Variants in PLCG2 observed in about 807,000 individuals in gnomAD.
PLCG2 encodes phospholipase C gamma 2, also known as 1-phosphatidylinositol 4,5-bisphosphate phosphodiesterase gamma-2.
PLCG2 carries 69 observed loss-of-function variants against 175.6 expected under a neutral mutation model. The ratio of observed to expected loss-of-function variants is 0.39; its 90% CI spans 0.32 to 0.48. The LOEUF is 0.48. Among genes scored for constraint, PLCG2 ranks in the 20% least tolerant of loss-of-function variants. The pLI, the probability that PLCG2 is intolerant of heterozygous loss-of-function variation, is 0.91. For missense variants in PLCG2, 1,798 were observed against 1,650.9 expected, an observed-to-expected ratio of 1.09 and a Z score of -1.54; for synonymous variants, 827 against 624.0, an observed-to-expected ratio of 1.33 and a Z score of -4.85.
At chr16:81,856,847 A>T (rs1426236294) in intron 3 of PLCG2, among the ~76,000 whole-genome samples, 1 of 152,170 alleles carries the variant, frequency 6.6e-6, no homozygotes, top group African/African-American at 2.4e-5. Flanking sequence ...TAGTGGAATC[A>T]CAAGGGTTCT....
At chr16:81,757,348 A>G (rs909824000) in intron 2 of PLCG2, among the ~76,000 whole-genome samples, 2 of 152,140 alleles carry the variant, frequency 1.3e-5, no homozygotes, top group Admixed American at 6.5e-5. Context: ...CCTCATAGAA[A>G]AAAAAGCTGT....
At chr16:81,926,317 C>A (rs1910272816) in intron 22 of PLCG2, among the ~76,000 whole-genome samples, 1 of 152,130 alleles carries the variant, frequency 6.6e-6, no homozygotes. Flanking sequence ...GTCAGAGGTG[C>A]ATTTTGGAGA....
chr16:81,931,369 A>G lies in PLCG2; in HGVS notation c.2582-128A>G, dbSNP rs1255016444. On this transcript the variant is annotated intron_variant, in intron 24 of 32. Transcript: ENST00000564138. Reference sequence around the variant, plus strand: ...ACCCCGATGGAAAGTAGACGTCCCCATCAGTGCTAACCGTGGTCATAGCAG... The same window carrying G: ...ACCCCGATGGAAAGTAGACGTCCCCGTCAGTGCTAACCGTGGTCATAGCAG... 5.1e-6 allele frequency: 4 copies of G among 781,364 alleles called. No homozygotes were observed. The South Asian group carries it at 5.5e-5, about 11-fold the overall frequency. The allele number at this position is 781,364 out of a possible 1,614,324, so 48.4% of individuals were successfully genotyped here. A position where few individuals can be genotyped will look rare whatever the true frequency, so the allele number is the denominator to read the frequency against.
intron 3 of PLCG2, among the ~76,000 whole-genome samples, chr16:81,855,816 G>T (rs1012901737): frequency 1.3e-5 from 2 of 152,168 alleles, no homozygotes; most frequent in Admixed American, 6.5e-5. Context: ...TGTGTGCCAG[G>T]GCTTGGAGGA....
intron 2 of PLCG2, among the ~76,000 whole-genome samples, chr16:81,808,907 G>A (rs1373080071): frequency 6.6e-6 from 1 of 152,210 alleles, no homozygotes; most frequent in East Asian, 1.9e-4. Context: ...GAGATCAGGG[G>A]AGACATGAGC....
At chr16:81,895,350 G>A (rs1374861476) in intron 12 of PLCG2, among the ~76,000 whole-genome samples, 1 of 152,160 alleles carries the variant, frequency 6.6e-6, no homozygotes, top group East Asian at 1.9e-4. Flanking sequence ...CATGAGGTCA[G>A]GAGATTGAGA....
intron 2 of PLCG2, among the ~76,000 whole-genome samples, chr16:81,794,723 G>GT (rs1226434644): frequency 6.6e-6 from 1 of 152,212 alleles, no homozygotes; most frequent in Admixed American, 6.5e-5. Context: ...ATGTGCTTAA[G>GT]TATTTTTTGC....
rs374965315 is a variant in PLCG2, at chr16:81,870,668, T to C, written c.565-184T>C. Reference sequence around the variant, plus strand: ...TAGCCAATGTTGTAGAAAAGCCATGTTAAATAGCATGACTTTTTCCTTTCA... The same window carrying C: ...TAGCCAATGTTGTAGAAAAGCCATGCTAAATAGCATGACTTTTTCCTTTCA... On this transcript the variant is annotated intron_variant, in intron 6 of 32. Coordinates refer to ENST00000564138, the MANE Select transcript of PLCG2 (RefSeq NM_002661.5). 3.3e-5 allele frequency among the ~76,000 whole-genome samples: 5 copies of C among 152,346 alleles called. No homozygotes were observed. In the East Asian group the frequency reaches 7.7e-4, roughly 23 times the overall value.
At chr16:81,928,424 C>A (rs1053833073) in intron 23 of PLCG2, 134 bp from the exon 24 acceptor site, 2 of 657,088 alleles carry the variant, frequency 3.0e-6, no homozygotes, top group Non-Finnish European at 5.7e-6. Flanking sequence ...TCCCCATGGA[C>A]GTATCTGGTA....
At chr16:81,905,532 C>G (rs1909329754) in intron 15 of PLCG2, 25 bp downstream of exon 15, 1 of 1,480,676 alleles carries the variant, frequency 6.8e-7, no homozygotes, top group Non-Finnish European at 9.4e-7. Flanking sequence ...CTTCCCGTAG[C>G]CACTGCGGCC....
At chr16:81,916,001 C>A (rs933931547) in intron 19 of PLCG2, among the ~76,000 whole-genome samples, 4 of 152,078 alleles carry the variant, frequency 2.6e-5, no homozygotes, top group African/African-American at 9.7e-5. Context: ...AAAATATGTA[C>A]ATATTTATAC....
chr16:81,889,569 G>T (rs1908535503), intron 10 of PLCG2, among the ~76,000 whole-genome samples: 1 of 152,064 alleles, frequency 6.6e-6, no homozygotes, highest in Non-Finnish European at 1.5e-5. Context: ...AGAGCCAGCT[G>T]AATGGGAGAC....
At chr16:81,830,626 C>T (rs575879036) in intron 2 of PLCG2, among the ~76,000 whole-genome samples, 1 of 149,578 alleles carries the variant, frequency 6.7e-6, no homozygotes, top group South Asian at 2.1e-4. Flanking sequence ...TCTTAAAAAA[C>T]AACAACAAAA....
chr16:81,796,752 C>A (rs1053503321), intron 2 of PLCG2, among the ~76,000 whole-genome samples: 2 of 152,168 alleles, frequency 1.3e-5, no homozygotes, highest in East Asian at 3.8e-4. Context: ...CTGAGTCATG[C>A]ATCTGCAAGC....
intron 1 of PLCG2, among the ~76,000 whole-genome samples, chr16:81,784,471 A>C (rs559284768): frequency 2.6e-4 from 40 of 152,220 alleles, no homozygotes; most frequent in Non-Finnish European, 4.6e-4. Flanking sequence ...CTGGAAGCAC[A>C]GACAGCCCTG....
upstream of PLCG2, among the ~76,000 whole-genome samples, chr16:81,778,079 C>CAAAAAAAAA (rs1567458056): frequency 2.1e-5 from 2 of 96,130 alleles, no homozygotes; most frequent in African/African-American, 7.6e-5. Flanking sequence ...AACACACACA[C>CAAAAAAAAA]ACAAAAAAAA....
chr16:81,881,691 C>T (rs1399182941), intron 8 of PLCG2, among the ~76,000 whole-genome samples: 6 of 152,230 alleles, frequency 3.9e-5, no homozygotes, highest in Admixed American at 2.0e-4. Context: ...GTCGCCTAGG[C>T]TGGAGTGCAC....
At chr16:81,753,626 C>T (rs1259033332) in intron 1 of PLCG2, among the ~76,000 whole-genome samples, 1 of 152,132 alleles carries the variant, frequency 6.6e-6, no homozygotes, top group East Asian at 1.9e-4. Context: ...CCATGTTGGC[C>T]AGGCTGACCT....
In PLCG2 at chr16:81,958,376, A is replaced by G. The variant is rs1264846895; in HGVS notation, c.*378A>G. On this transcript the variant is annotated 3_prime_UTR_variant, in exon 33 of 33. Coordinates refer to ENST00000564138, the MANE Select transcript of PLCG2 (RefSeq NM_002661.5). ...AAGAAGATTCTACCTCTAATGATCC[A>G]GGTAACTGATGTCCATGGAGGATGA... 7.6e-6 allele frequency: 2 copies of G among 263,628 alleles called. No homozygotes were observed. Among genetic ancestry groups the G allele is most frequent in the African/African-American group, 4.3e-5 (2 of 46,206 alleles). 16.3% of individuals were successfully genotyped at this position (263,628 alleles called of 1,614,324 possible).
Sources: gnomAD v4.1 joint callset for allele counts (sites outside exome capture counted in the v4.1 genomes callset) on GRCh38, gnomAD v4.1.1 for gene constraint, MANE v1.5 for transcripts, NCBI Gene and HGNC (gene_info 2026-07-23, HGNC 2026-07-21) for gene names.